LRRK1: variants seen among roughly 807,000 people sequenced by gnomAD.
LRRK1 encodes leucine rich repeat kinase 1, also known as leucine-rich repeat serine/threonine-protein kinase 1.
A neutral mutation model predicts 209.1 loss-of-function variants in LRRK1; 113 were observed. That is an observed-to-expected ratio of 0.54 (90% confidence interval 0.46 to 0.63). The LOEUF (loss-of-function observed/expected upper bound fraction) is 0.63. LRRK1 is among the 30% of genes least tolerant of loss of function. The probability of loss-of-function intolerance (pLI) is 0.00; values close to 1 mark genes in which losing one functional copy is unlikely to be tolerated. For synonymous variants in LRRK1, 1,144 were observed against 1,099.7 expected, an observed-to-expected ratio of 1.04 and a Z score of -0.80; for missense variants, 2,284 against 2,632.2, an observed-to-expected ratio of 0.87 and a Z score of 2.89.
intron 7 of LRRK1, 141 bp from the exon 8 acceptor site, chr15:101,010,309 A>G: frequency 7.2e-6 from 6 of 834,400 alleles, no homozygotes; most frequent in South Asian, 5.6e-5. Context: ...AATCATATGC[A>G]CTACATTTTC....
At chr15:101,000,593 C>G (rs1198859978) in intron 6 of LRRK1, among the ~76,000 whole-genome samples, 1 of 152,216 alleles carries the variant, frequency 6.6e-6, no homozygotes, top group Non-Finnish European at 1.5e-5. Context: ...GGGTCTTTCC[C>G]TGCCCCTTCC....
chr15:101,010,420 G>C, intron 7 of LRRK1, 30 bp from the exon 8 acceptor site: 1 of 1,592,162 alleles, frequency 6.3e-7, no homozygotes, highest in Non-Finnish European at 8.5e-7. Context: ...TCTTTATTCT[G>C]ATGCCTGCCT....
intron 31 of LRRK1, among the ~76,000 whole-genome samples, chr15:101,063,608 C>G (rs180924058): frequency 2.6e-5 from 4 of 152,190 alleles, no homozygotes; most frequent in African/African-American, 9.7e-5. Flanking sequence ...CACAAGAAGC[C>G]TTTACTGGTG....
intron 30 of LRRK1, 174 bp from the exon 31 acceptor site, chr15:101,062,400 C>T (rs1000547612): frequency 3.2e-5 from 18 of 567,552 alleles, no homozygotes; most frequent in South Asian, 3.0e-4. Flanking sequence ...TCTTTTTCAA[C>T]GTTTCTACAA....
intron 20 of LRRK1, among the ~76,000 whole-genome samples, chr15:101,041,157 T>C (rs558885472): frequency 6.6e-6 from 1 of 152,238 alleles, no homozygotes; most frequent in Non-Finnish European, 1.5e-5. Flanking sequence ...TCTTTATCAC[T>C]GGTAATACTC....
intron 12 of LRRK1, among the ~76,000 whole-genome samples, chr15:101,018,722 G>A (rs11247252): frequency 0.43 from 65,306 of 152,060 alleles, 15,846 homozygotes; most frequent in Non-Finnish European, 0.54. Context: ...AGGGGGCCGC[G>A]CCCCTGGGAG....
chr15:101,052,231 C>T (rs1229778981), intron 24 of LRRK1, among the ~76,000 whole-genome samples: 1 of 152,222 alleles, frequency 6.6e-6, no homozygotes, highest in East Asian at 1.9e-4. Context: ...TACGGCTCCC[C>T]CTTCCCCTCG....
chr15:101,024,822 A>G lies in LRRK1; in HGVS notation c.2087A>G (p.Asn696Ser). Residue 696 changes from asparagine (N) to serine (S), a missense_variant, in exon 16 of 34, where the codon AAC (asparagine) becomes AGC (serine). Physicochemically the swap from Asn to Ser is conservative, Grantham distance 46. Coordinates refer to ENST00000388948, the MANE Select transcript of LRRK1 (RefSeq NM_024652.6). The surrounding 1 kb of genome is among the most constrained non-coding windows in gnomAD (Gnocchi z 4.6). ...SRAKVESVEF[N>S]VWDIGGPASM... Reference sequence around the variant, plus strand: ...AAGTAGGTTGAGTCCGTGGAGTTCAACGTCTGGGACATCGGGGGACCGGCC... The same window carrying G: ...AAGTAGGTTGAGTCCGTGGAGTTCAGCGTCTGGGACATCGGGGGACCGGCC... 1 of 1,613,970 alleles carries G rather than the reference A, an allele frequency of 6.2e-7. No homozygotes were observed. The highest frequency in any genetic ancestry group is 8.5e-7 in the Non-Finnish European group (1 of 1,179,860).
At chr15:100,998,073 T>C (rs1199608437) in intron 6 of LRRK1, among the ~76,000 whole-genome samples, 1 of 151,346 alleles carries the variant, frequency 6.6e-6, no homozygotes, top group Non-Finnish European at 1.5e-5. Flanking sequence ...TCCCAGCTAC[T>C]GTGGGGCTGA....
chr15:101,012,218 ATGTG>A, intron 10 of LRRK1, 73 bp downstream of exon 10: 1 of 1,304,480 alleles, frequency 7.7e-7, no homozygotes, highest in Non-Finnish European at 1.1e-6. Flanking sequence ...AGTGAAATGT[ATGTG>A]CTTTTCCTGA....
At chr15:100,989,167 A>T (rs2032028401) in intron 5 of LRRK1, 83 bp from the exon 6 acceptor site, 1 of 1,200,518 alleles carries the variant, frequency 8.3e-7, no homozygotes, top group Admixed American at 2.0e-5. Flanking sequence ...TTCAGTTTCC[A>T]TTCCACATAT....
At chr15:101,011,584 A>G (rs1036739966) in intron 9 of LRRK1, among the ~76,000 whole-genome samples, 7 of 150,838 alleles carry the variant, frequency 4.6e-5, no homozygotes, top group African/African-American at 1.2e-4. Flanking sequence ...AGCATGAAGA[A>G]TGTGTGTGTG....
In LRRK1 at chr15:100,992,605, T is replaced by A. The variant is rs572324067; in HGVS notation, c.762+3207T>A. Among the ~76,000 whole-genome samples, 137 of 152,344 alleles carry A rather than the reference T, an allele frequency of 9.0e-4. 1 individual carries two copies. The highest frequency in any genetic ancestry group is 1.5e-3 in the Non-Finnish European group (105 of 68,030). On this transcript the variant is annotated intron_variant, in intron 6 of 33. Transcript: ENST00000388948. ...TGTTTTGTTTGTTATTTCATTAATT[T>A]TCACTTCTGTCTGTATTAAAACCCT... is the stretch of plus-strand genomic sequence containing the variant.
Position 101,027,402 on chromosome 15 carries a change from G to A in LRRK1, c.2526+21G>A, listed in dbSNP as rs377385590. 1.2e-6 allele frequency: 2 copies of A among 1,609,018 alleles called. No individual in the cohort carries two copies. Among genetic ancestry groups the A allele is most frequent in the Non-Finnish European group, 1.7e-6 (2 of 1,178,122 alleles). ...GGCTGGTGGGTACCTTGCTGGTCCA[G>A]TTTAAACCAGTCTGCCTGCTTCCCA... On this transcript the variant is annotated intron_variant, in intron 18 of 33. Coordinates refer to ENST00000388948, the MANE Select transcript of LRRK1 (RefSeq NM_024652.6). This position sits in a 1 kb window ranked among gnomAD's most constrained non-coding sequence, Gnocchi z 5.1.
At position 101,078,213 on chromosome 15, in the gene LRRK1, C is replaced by T. The variant is rs1051147146; in HGVS notation, c.*9365C>T. The T allele has an allele frequency of 6.6e-6, 1 of 152,278 alleles. No homozygotes were observed. The highest frequency in any genetic ancestry group is 2.4e-5 in the African/African-American group (1 of 41,448). 9.4% of individuals were successfully genotyped at this position (152,278 alleles called of 1,614,324 possible). On this transcript the variant is annotated 3_prime_UTR_variant, in exon 34 of 34. Coordinates refer to ENST00000388948, the MANE Select transcript of LRRK1 (RefSeq NM_024652.6). The stretch of plus-strand genomic sequence containing the variant: ...CACTGACTCTCTTTTCGGACTCAGC[C>T]CGCCTGCACCCAGGTGAAATAAACA...
In LRRK1 at chr15:101,027,893, C is replaced by A; in HGVS notation, c.2686+96C>A. ...TTGGCCTCAGTAATGAATGAGAGAC[C>A]GACACCCAGCCTGCGTTTCTGCCTT... On this transcript the variant is annotated intron_variant, in intron 19 of 33. Transcript: ENST00000388948. This position sits in a 1 kb window ranked among gnomAD's most constrained non-coding sequence, Gnocchi z 5.1. 1.8e-6 allele frequency: 2 copies of A among 1,140,266 alleles called. No homozygotes were observed. The highest frequency in any genetic ancestry group is 2.5e-6 in the Non-Finnish European group (2 of 813,990). The allele number at this position is 1,140,266 out of a possible 1,614,324, so 70.6% of individuals were successfully genotyped here. A position where few individuals can be genotyped will look rare whatever the true frequency, so the allele number is the denominator to read the frequency against.
chr15:100,985,336 C>T (rs557518089), intron 4 of LRRK1, among the ~76,000 whole-genome samples: 2 of 152,290 alleles, frequency 1.3e-5, no homozygotes, highest in South Asian at 2.1e-4. Flanking sequence ...CAGCTGACTC[C>T]GTCACCTAAT....
chr15:101,060,253 T>TAAAC (rs1214136069), intron 29 of LRRK1, among the ~76,000 whole-genome samples: 1 of 152,116 alleles, frequency 6.6e-6, no homozygotes, highest in Non-Finnish European at 1.5e-5. Flanking sequence ...GACGAGCAGG[T>TAAAC]AAACAGGATA....
intron 6 of LRRK1, among the ~76,000 whole-genome samples, chr15:100,996,421 AC>A (rs1277769869): frequency 1.3e-5 from 2 of 152,174 alleles, no homozygotes; most frequent in Non-Finnish European, 2.9e-5. Flanking sequence ...GCTCGTGTGA[AC>A]AGAAGAGGAG....
Sources: allele counts gnomAD v4.1 joint callset (sites outside exome capture counted in the v4.1 genomes callset), GRCh38; gene constraint gnomAD v4.1.1; non-coding constraint Gnocchi (gnomAD v3.1); transcripts MANE v1.5; gene names NCBI Gene and HGNC (gene_info 2026-07-23, HGNC 2026-07-21).